ALG1: variants seen among roughly 807,000 people sequenced by gnomAD.
The protein encoded by ALG1 is chitobiosyldiphosphodolichol beta-mannosyltransferase.
ALG1 carries 58 observed loss-of-function variants against 55.1 expected under a neutral mutation model. That is an observed-to-expected ratio of 1.05 (90% confidence interval 0.85 to 1.31). ALG1 has a LOEUF of 1.31. Among genes scored for constraint, ALG1 ranks in the 50% most tolerant of loss-of-function variants. The pLI, the probability that ALG1 is intolerant of heterozygous loss-of-function variation, is 0.00. For missense variants in ALG1, 761 were observed against 598.6 expected (o/e 1.27, Z -2.83); for synonymous variants, 309 against 247.0 (o/e 1.25, Z -2.35).
At chr16:5,079,725 A>T (rs1449809600) in intron 8 of ALG1, 23 bp from the exon 9 acceptor site, 8 of 1,610,380 alleles carry the variant, frequency 5.0e-6, no homozygotes, top group African/African-American at 4.0e-5. Context: ...TCCATGTAGA[A>T]TTGTTTCTTT....
chr16:5,078,729 C>T (rs372230011), intron 6 of ALG1, 28 bp from the exon 7 acceptor site: 2 of 1,612,340 alleles, frequency 1.2e-6, no homozygotes, highest in Middle Eastern at 2.0e-4. Flanking sequence ...TCTATGGCCT[C>T]TCACAGGCTT....
At chr16:5,082,346 T>C (rs1338116958) in intron 10 of ALG1, among the ~76,000 whole-genome samples, 8 of 152,084 alleles carry the variant, frequency 5.3e-5, no homozygotes. Context: ...AAAAACCAAA[T>C]TGTGGTTACG....
In ALG1 at chr16:5,073,228, G is replaced by C; in HGVS notation, c.362G>C (p.Arg121Thr). ...TACTTGCTGTGGAAGTTGATGTGGAGGGAGCCAGGTGCCTATATCTTTCTC... is the reference window on the plus strand; with the variant it reads ...TACTTGCTGTGGAAGTTGATGTGGACGGAGCCAGGTGCCTATATCTTTCTC... ...AMYLLWKLMW[R>T]EPGAYIFLQN... The change falls in exon 3 of 13, where the codon AGG becomes ACG. Residue 121 changes from arginine (R) to threonine (T), a missense_variant. By Grantham distance (71) the Arg-to-Thr change is moderately conservative. Coordinates refer to ENST00000262374, the MANE Select transcript of ALG1 (RefSeq NM_019109.5). 1 of 1,614,164 alleles carries C rather than the reference G, an allele frequency of 6.2e-7. No homozygotes were observed. The highest frequency in any genetic ancestry group is 8.5e-7 in the Non-Finnish European group (1 of 1,180,036).
rs762919376 is a variant in ALG1, at chr16:5,073,238, T to C, written c.372T>C (p.Gly124=). 1 of 1,614,170 alleles carries C rather than the reference T, an allele frequency of 6.2e-7. No individual in the cohort carries two copies. The highest frequency in any genetic ancestry group is 2.2e-5 in the East Asian group (1 of 44,880). Residue 124 remains glycine, a synonymous_variant, in exon 3 of 13, where the codon GGT becomes GGC. Coordinates refer to ENST00000262374, the MANE Select transcript of ALG1 (RefSeq NM_019109.5). ...GGAAGTTGATGTGGAGGGAGCCAGG[T>C]GCCTATATCTTTCTCCAGGTGTGTA... ...LLWKLMWREP[G]AYIFLQNPPG...
Position 5,086,332 on chromosome 16 carries a change from C to G in ALG1, c.*1451C>G, listed in dbSNP as rs921932816. On this transcript the variant is annotated 3_prime_UTR_variant, in exon 13 of 13. Transcript: ENST00000262374. ...CCTGAGTGACAGGGTGAGACTAAGT[C>G]TCAAAAAAAAAAAAAAAAAACCACA... Among the ~76,000 whole-genome samples the G allele has an allele frequency of 1.2e-4, 3 of 25,724 alleles. No individual in the cohort carries two copies. The highest frequency in any genetic ancestry group is 2.8e-4 in the African/African-American group (3 of 10,600). The allele number at this position is 25,724 out of a possible 152,430, so 16.9% of individuals were successfully genotyped here.
At chr16:5,073,334 C>A in intron 3 of ALG1, 78 bp downstream of exon 3, 1 of 1,259,434 alleles carries the variant, frequency 7.9e-7, no homozygotes, top group Non-Finnish European at 1.2e-6. Flanking sequence ...TACTATATTG[C>A]ATATTCATAT....
At chr16:5,082,410 C>T in intron 10 of ALG1, 149 bp from the exon 11 acceptor site, 2 of 795,702 alleles carry the variant, frequency 2.5e-6, no homozygotes, top group Non-Finnish European at 4.3e-6. Flanking sequence ...TGTGTGGCTG[C>T]TTGGCCAGCT....
intron 7 of ALG1, 86 bp from the exon 8 acceptor site, chr16:5,078,978 A>T: frequency 1.3e-6 from 2 of 1,596,000 alleles, no homozygotes; most frequent in Non-Finnish European, 1.7e-6. Flanking sequence ...CCACCCTGCC[A>T]CGGTCTCAAT....
At chr16:5,076,603 C>T (rs1956918923) in intron 4 of ALG1, among the ~76,000 whole-genome samples, 1 of 152,172 alleles carries the variant, frequency 6.6e-6, no homozygotes, top group African/African-American at 2.4e-5. Context: ...TGATAAATAA[C>T]CCAGAATCGC....
Position 5,071,986 on chromosome 16 carries a change from G to T in ALG1, c.137G>T (p.Ser46Ile). The T allele has an allele frequency of 6.3e-7, 1 of 1,595,996 alleles. No individual in the cohort carries two copies. The highest frequency in any genetic ancestry group is 1.3e-5 in the African/African-American group (1 of 74,740). ...VAVVLGDVGR[S>I]PRMQYHALSL... The stretch of plus-strand genomic sequence containing the variant: ...GTGGTGCTGGGCGACGTGGGCCGCA[G>T]CCCCCGTATGCAGTACCACGCGCTG... The change falls in exon 1 of 13, where the codon AGC (serine) becomes ATC (isoleucine). Residue 46 changes from serine (S) to isoleucine (I), a missense_variant. Ser to Ile is a moderately radical substitution (Grantham distance 142, BLOSUM62 -2). Coordinates refer to ENST00000262374, the MANE Select transcript of ALG1 (RefSeq NM_019109.5).
intron 5 of ALG1, 66 bp from the exon 6 acceptor site, chr16:5,077,841 C>A (rs1337167794): frequency 1.4e-6 from 2 of 1,463,448 alleles, no homozygotes; most frequent in Non-Finnish European, 9.5e-7. Flanking sequence ...CCTGGAGCCT[C>A]TGAGTCCTCT....
Position 5,083,687 on chromosome 16 carries a change from A to C in ALG1, c.1193A>C (p.His398Pro). 6.2e-7 allele frequency: 1 copy of C among 1,600,804 alleles called. No individual in the cohort carries two copies. The highest frequency in any genetic ancestry group is 2.3e-4 in the Middle Eastern group (1 of 4,428). Reference sequence around the variant, plus strand: ...TCCCTTGGTTCTCTCTGCAGTTTACATGAGCTGGTGAAACATGAAGAAAAT... The same window carrying C: ...TCCCTTGGTTCTCTCTGCAGTTTACCTGAGCTGGTGAAACATGAAGAAAAT... Reference protein sequence around the residue: ...PVCAVNFKCLHELVKHEENGL... With the variant: ...PVCAVNFKCLPELVKHEENGL... Residue 398 changes from histidine to proline, a missense_variant, in exon 12 of 13, where the codon CAT becomes CCT. Physicochemically the swap from His to Pro is moderately conservative, Grantham distance 77. Transcript: ENST00000262374.
At chr16:5,079,892 G>T (rs1361875277) in intron 9 of ALG1, 85 bp downstream of exon 9, 16 of 1,481,920 alleles carry the variant, frequency 1.1e-5, no homozygotes, top group Non-Finnish European at 1.5e-5. Context: ...TGCTTCCCAT[G>T]ATCTTGTCTC....
At position 5,071,968 on chromosome 16, in the gene ALG1, T is replaced by A; in HGVS notation, c.119T>A (p.Leu40Gln). Residue 40 changes from leucine to glutamine, a missense_variant, in exon 1 of 13, where the codon CTG becomes CAG. Leu to Gln is a moderately radical substitution (Grantham distance 113). Coordinates refer to ENST00000262374, the MANE Select transcript of ALG1 (RefSeq NM_019109.5). ...RAARHVVAVV[L>Q]GDVGRSPRMQ... is the part of the protein sequence containing the mutation. ...GCCCGGCATGTAGTAGCGGTGGTGC[T>A]GGGCGACGTGGGCCGCAGCCCCCGT... The A allele has an allele frequency of 1.3e-6, 2 of 1,590,414 alleles. No homozygotes were observed. Among genetic ancestry groups the A allele is most frequent in the Non-Finnish European group, 8.6e-7 (1 of 1,168,610 alleles).
chr16:5,075,161 C>T (rs1956886882), intron 3 of ALG1, among the ~76,000 whole-genome samples: 1 of 152,184 alleles, frequency 6.6e-6, no homozygotes, highest in African/African-American at 2.4e-5. Flanking sequence ...GCCTTGGCCT[C>T]CCAAAGTGTT....
At chr16:5,084,594 T>A in intron 12 of ALG1, 156 bp from the exon 13 acceptor site, 1 of 1,151,294 alleles carries the variant, frequency 8.7e-7, no homozygotes, top group Non-Finnish European at 1.2e-6. Flanking sequence ...GGAGGCGGAG[T>A]GCTGCTGGGG....
rs1203067807 is a variant in ALG1, at chr16:5,071,975, C to T, written c.126C>T (p.Asp42=). The T allele has an allele frequency of 8.8e-6, 14 of 1,593,096 alleles. No homozygotes were observed. The highest frequency in any genetic ancestry group is 1.1e-5 in the Non-Finnish European group (13 of 1,169,918). Residue 42 remains aspartate, a synonymous_variant, in exon 1 of 13, where the codon GAC becomes GAT. Coordinates refer to ENST00000262374, the MANE Select transcript of ALG1 (RefSeq NM_019109.5). ...ARHVVAVVLG[D]VGRSPRMQYH... ...ATGTAGTAGCGGTGGTGCTGGGCGA[C>T]GTGGGCCGCAGCCCCCGTATGCAGT...
Position 5,079,709 on chromosome 16 carries a change from A to T in ALG1, c.902-39A>T, listed in dbSNP as rs776353535. 23 of 1,607,628 alleles carry T rather than the reference A, an allele frequency of 1.4e-5. No homozygotes were observed. In the South Asian group the frequency reaches 2.4e-4, roughly 17 times the overall value. On this transcript the variant is annotated intron_variant, in intron 8 of 12. Transcript: ENST00000262374. ...GTCAGAAAAAAAAAAAAATTCTATC[A>T]GAAATTCCATGTAGAATTGTTTCTT...
chr16:5,078,174 C>G, intron 6 of ALG1, 157 bp downstream of exon 6: 2 of 854,646 alleles, frequency 2.3e-6, no homozygotes, highest in Non-Finnish European at 3.8e-6. Context: ...CACTGGGACA[C>G]AACACACTCA....
Sources: gnomAD v4.1 joint callset for allele counts (sites outside exome capture counted in the v4.1 genomes callset) on GRCh38, gnomAD v4.1.1 for gene constraint, MANE v1.5 for transcripts, NCBI Gene and HGNC (gene_info 2026-07-23, HGNC 2026-07-21) for gene names.